EMP2: variants seen among roughly 807,000 people sequenced by gnomAD.
EMP2 encodes epithelial membrane protein 2.
In EMP2, 19 loss-of-function variants were observed where a neutral mutation model predicts 13.7. That is an observed-to-expected ratio of 1.38 (90% confidence interval 0.97 to 2.03). The LOEUF (loss-of-function observed/expected upper bound fraction) is 2.03, where lower values mean the gene tolerates loss of function less well. Ranked by LOEUF, EMP2 falls within the 30% of genes most tolerant of loss-of-function variation. The pLI is 0.00. For synonymous variants in EMP2, 97 were observed against 84.7 expected, an observed-to-expected ratio of 1.15 and a Z score of -0.80; for missense variants, 253 against 220.7, an observed-to-expected ratio of 1.15 and a Z score of -0.93.
rs1596371226 is a variant in EMP2, at chr16:10,543,077, C to T, written c.169+493G>A. On this transcript the variant is annotated intron_variant, in intron 3 of 4. Coordinates refer to ENST00000359543, the MANE Select transcript of EMP2 (RefSeq NM_001424.6). ...ACCAGGCTGGTCTCAAACTCCTGACCTCAAGTGATCCATCCGCCTCTGCTT... is the reference window on the plus strand; with the variant it reads ...ACCAGGCTGGTCTCAAACTCCTGACTTCAAGTGATCCATCCGCCTCTGCTT... 4.6e-5 allele frequency among the ~76,000 whole-genome samples: 7 copies of T among 152,286 alleles called. 1 individual carries two copies. The highest frequency in any genetic ancestry group is 4.6e-4 in the Admixed American group (7 of 15,296).
At chr16:10,572,584 A>G (rs1374531154) in intron 1 of EMP2, among the ~76,000 whole-genome samples, 3 of 152,192 alleles carry the variant, frequency 2.0e-5, no homozygotes, top group Non-Finnish European at 4.4e-5. Context: ...TAAATATTAG[A>G]ATGAACACGT....
chr16:10,553,195 C>T (rs1218973661), intron 1 of EMP2, among the ~76,000 whole-genome samples: 1 of 152,174 alleles, frequency 6.6e-6, no homozygotes, highest in Non-Finnish European at 1.5e-5. Flanking sequence ...ATCTCTATAC[C>T]AAAATAAGTC....
At chr16:10,547,796 G>A (rs2050751256) in intron 1 of EMP2, 119 bp from the exon 2 acceptor site, 1 of 592,596 alleles carries the variant, frequency 1.7e-6, no homozygotes, top group East Asian at 3.0e-5. Context: ...GGAACTTTGG[G>A]AGAAGGTGGG....
At chr16:10,539,297 C>T (rs1393864880) in intron 3 of EMP2, among the ~76,000 whole-genome samples, 1 of 152,102 alleles carries the variant, frequency 6.6e-6, no homozygotes. Flanking sequence ...TGAAAACTCA[C>T]TGGAGTGAAC....
chr16:10,532,790 T>TTTG lies in EMP2; in HGVS notation c.*114_*115insCAA. 1.9e-6 allele frequency: 1 copy of TTTG among 529,148 alleles called. No individual in the cohort carries two copies. The highest frequency in any genetic ancestry group is 2.8e-6 in the Non-Finnish European group (1 of 361,484). 32.8% of individuals were successfully genotyped at this position (529,148 alleles called of 1,614,324 possible). On this transcript the variant is annotated 3_prime_UTR_variant, in exon 5 of 5. Transcript: ENST00000359543. ...TTTTTTTTTTTTTTTTTTTTTTGGC[T>TTTG]TTTAAAGGAAACAATACGTTTGCTA...
chr16:10,550,238 G>T (rs544247932), intron 1 of EMP2, among the ~76,000 whole-genome samples: 243 of 152,146 alleles, frequency 1.6e-3, no homozygotes, highest in African/African-American at 5.8e-3. Context: ...GAAATTTAAC[G>T]TGATACAATA....
chr16:10,552,179 C>T (rs953600988), intron 1 of EMP2, among the ~76,000 whole-genome samples: 3 of 150,758 alleles, frequency 2.0e-5, no homozygotes, highest in Non-Finnish European at 4.4e-5. Flanking sequence ...GGCTCATGTA[C>T]CACGCTGAAT....
chr16:10,543,774 G>T, intron 2 of EMP2, 114 bp from the exon 3 acceptor site: 1 of 960,814 alleles, frequency 1.0e-6, no homozygotes. Context: ...TGCAACACAT[G>T]TGAGAATTGC....
At chr16:10,573,559 T>A (rs2050962339) in intron 1 of EMP2, among the ~76,000 whole-genome samples, 1 of 152,000 alleles carries the variant, frequency 6.6e-6, no homozygotes, top group African/African-American at 2.4e-5. Context: ...AGGCATCATC[T>A]CTCCCCATCC....
chr16:10,533,127 T>C (rs1310996350), intron 4 of EMP2, 35 bp from the exon 5 acceptor site: 2 of 1,509,618 alleles, frequency 1.3e-6, no homozygotes, highest in African/African-American at 2.8e-5. Context: ...CAATAAATCA[T>C]GGACCACAGT....
At chr16:10,545,456 A>G (rs1278404590) in intron 2 of EMP2, 1 of 152,136 alleles carries the variant, frequency 6.6e-6, no homozygotes, top group Admixed American at 6.5e-5. Flanking sequence ...GCTCCCCATC[A>G]CTCACATTAC....
At chr16:10,577,376 C>T (rs1339746847) in intron 1 of EMP2, among the ~76,000 whole-genome samples, 2 of 152,196 alleles carry the variant, frequency 1.3e-5, no homozygotes, top group Non-Finnish European at 1.5e-5. Flanking sequence ...GGCACTCTCT[C>T]GCTGGGTGGC....
chr16:10,545,839 CG>C (rs1251991748), intron 2 of EMP2: 1 of 151,572 alleles, frequency 6.6e-6, no homozygotes, highest in Non-Finnish European at 1.5e-5. Context: ...GTGCCAAAAA[CG>C]TTGGGGACCA....
At position 10,530,313 on chromosome 16, in the gene EMP2, CAAAT is replaced by C. The variant is rs1051751468; in HGVS notation, c.*2588_*2591del. 1.3e-5 allele frequency: 2 copies of C among 152,330 alleles called. No homozygotes were observed. The highest frequency in any genetic ancestry group is 2.4e-5 in the African/African-American group (1 of 41,440). The allele number at this position is 152,330 out of a possible 1,614,324, so 9.4% of individuals were successfully genotyped here. A position where few individuals can be genotyped will look rare whatever the true frequency, so the allele number is the denominator to read the frequency against. On this transcript the variant is annotated 3_prime_UTR_variant, in exon 5 of 5. Transcript: ENST00000359543. ...AACATTTAATACTATCTGTCAAAAA[CAAAT>C]GAATGAAAGAGCAGATGGAAAGAGC...
At chr16:10,571,942 C>T (rs185028153) in intron 1 of EMP2, among the ~76,000 whole-genome samples, 239 of 152,284 alleles carry the variant, frequency 1.6e-3, no homozygotes, top group African/African-American at 5.4e-3. Context: ...GGGCTCTAGG[C>T]CCTGGGCTTT....
intron 2 of EMP2, chr16:10,545,540 G>C (rs186360446): frequency 6.5e-6 from 1 of 153,640 alleles, no homozygotes; most frequent in East Asian, 1.9e-4. Context: ...TGTGAACTGT[G>C]CATGCCAGGG....
chr16:10,537,914 G>A lies in EMP2; in HGVS notation c.316+14C>T, dbSNP rs376209140. The stretch of plus-strand genomic sequence containing the variant: ...AGAAAGCCCCTTGTTAGGGAAGCCC[G>A]TTGATGTACTTACATGACATTAGCT... On this transcript the variant is annotated intron_variant, in intron 4 of 4. Transcript: ENST00000359543. 159 of 1,612,364 alleles carry A rather than the reference G, an allele frequency of 9.9e-5. No homozygotes were observed. In the African/African-American group the frequency reaches 1.2e-3, roughly 12 times the overall value.
chr16:10,571,204 C>T (rs1026893980), intron 1 of EMP2, among the ~76,000 whole-genome samples: 4 of 130,474 alleles, frequency 3.1e-5, no homozygotes, highest in African/African-American at 1.2e-4. Flanking sequence ...CTGCAGTGAG[C>T]TGAGATCGCG....
chr16:10,564,939 C>A (rs946413917), intron 1 of EMP2, among the ~76,000 whole-genome samples: 1 of 152,152 alleles, frequency 6.6e-6, no homozygotes, highest in East Asian at 1.9e-4. Context: ...GATGGAAAGT[C>A]AGCATCACCT....
Sources: gnomAD v4.1 joint callset for allele counts (sites outside exome capture counted in the v4.1 genomes callset) on GRCh38, gnomAD v4.1.1 for gene constraint, MANE v1.5 for transcripts, NCBI Gene and HGNC (gene_info 2026-07-23, HGNC 2026-07-21) for gene names.